The following VWC2L variants were observed in gnomAD, a reference collection of about 807,000 sequenced individuals.
The protein encoded by VWC2L is von Willebrand factor C domain containing 2 like.
VWC2L carries 10 observed loss-of-function variants against 21.6 expected under a neutral mutation model. The observed-to-expected ratio is 0.46, with a 90% CI of 0.29 to 0.78. VWC2L has a LOEUF of 0.78. VWC2L is among the 30% of genes least tolerant of loss of function. VWC2L has a pLI of 0.10. For synonymous variants in VWC2L, 96 were observed against 94.3 expected, an observed-to-expected ratio of 1.02 and a Z score of -0.10; for missense variants, 209 against 277.1, an observed-to-expected ratio of 0.75 and a Z score of 1.74.
rs112834111 is a variant in VWC2L, at chr2:214,517,991, C to T, written c.521-57681C>T. Among the ~76,000 whole-genome samples the T allele has an allele frequency of 8.4e-3, 1,286 of 152,212 alleles. 12 individuals carry two copies. Among genetic ancestry groups the T allele is most frequent in the Non-Finnish European group, 0.013 (895 of 68,014 alleles). ...ACCATCCTGGCTAACACAGTGAAAC[C>T]CCGTCTCTACTAAAAATACAAAAAA... On this transcript the variant is annotated intron_variant, in intron 3 of 3. Coordinates refer to ENST00000312504, the MANE Select transcript of VWC2L (RefSeq NM_001080500.4).
At chr2:214,456,396 T>C (rs1362345985) in intron 3 of VWC2L, among the ~76,000 whole-genome samples, 1 of 152,070 alleles carries the variant, frequency 6.6e-6, no homozygotes, top group Non-Finnish European at 1.5e-5. Flanking sequence ...GTTTGGTTTT[T>C]GTTTGGGTTT....
At chr2:214,468,575 A>G (rs1279128518) in intron 3 of VWC2L, among the ~76,000 whole-genome samples, 1 of 152,244 alleles carries the variant, frequency 6.6e-6, no homozygotes, top group Non-Finnish European at 1.5e-5. Flanking sequence ...AGAATTTAAA[A>G]GAGATTTTTC....
At chr2:214,447,710 C>A (rs897284353) in intron 3 of VWC2L, among the ~76,000 whole-genome samples, 2 of 152,150 alleles carry the variant, frequency 1.3e-5, no homozygotes, top group Admixed American at 6.5e-5. Context: ...GGTTATCCCT[C>A]TATCTTCCTC....
At chr2:214,480,482 C>A (rs573785455) in intron 3 of VWC2L, among the ~76,000 whole-genome samples, 32 of 152,060 alleles carry the variant, frequency 2.1e-4, no homozygotes, top group Admixed American at 1.2e-3. Context: ...GGTTCATCTG[C>A]GAATATTAGA....
At chr2:214,506,687 A>G (rs1426048842) in intron 3 of VWC2L, among the ~76,000 whole-genome samples, 1 of 67,912 alleles carries the variant, frequency 1.5e-5, no homozygotes, top group Non-Finnish European at 5.1e-5. Flanking sequence ...AGAAAATATT[A>G]TAATAAATTC....
At chr2:214,487,526 A>C (rs544282235) in intron 3 of VWC2L, among the ~76,000 whole-genome samples, 31 of 152,328 alleles carry the variant, frequency 2.0e-4, no homozygotes, top group African/African-American at 7.2e-4. Context: ...CCCTGAGAAG[A>C]GTGACACAAT....
chr2:214,548,523 G>A (rs1247283908), intron 3 of VWC2L, among the ~76,000 whole-genome samples: 1 of 152,164 alleles, frequency 6.6e-6, no homozygotes, highest in Non-Finnish European at 1.5e-5. Context: ...ACTCAACCAA[G>A]TCCAGTGGAT....
At chr2:214,438,583 A>C (rs1217262083) in intron 3 of VWC2L, among the ~76,000 whole-genome samples, 1 of 152,050 alleles carries the variant, frequency 6.6e-6, no homozygotes, top group Non-Finnish European at 1.5e-5. Context: ...ATACGTTTAA[A>C]ACAGTTTTTA....
At chr2:214,469,381 C>T (rs894144035) in intron 3 of VWC2L, among the ~76,000 whole-genome samples, 4 of 152,084 alleles carry the variant, frequency 2.6e-5, no homozygotes, top group South Asian at 2.1e-4. Flanking sequence ...GGGTGGATCA[C>T]GAGGCCAGGA....
intron 2 of VWC2L, among the ~76,000 whole-genome samples, chr2:214,431,661 T>C (rs1702602944): frequency 6.6e-6 from 1 of 152,332 alleles, no homozygotes; most frequent in South Asian, 2.1e-4. Context: ...CTCTATCCCA[T>C]CCTTTTGGGA....
rs144839776 is a variant in VWC2L, at chr2:214,527,169, C to T, written c.521-48503C>T. Among the ~76,000 whole-genome samples, 659 of 152,130 alleles carry T rather than the reference C, an allele frequency of 4.3e-3. 11 individuals are homozygous for T. Among genetic ancestry groups the T allele is most frequent in the African/African-American group, 0.015 (641 of 41,500 alleles). On this transcript the variant is annotated intron_variant, in intron 3 of 3. Transcript: ENST00000312504. ...GAACAGAAAACCAAATACTACATGT[C>T]CTCACTTATAAGTGGGAGTTAACAT... is the stretch of plus-strand genomic sequence containing the variant.
Position 214,452,442 on chromosome 2 carries a change from G to A in VWC2L, c.520+15684G>A, listed in dbSNP as rs144062086. Among the ~76,000 whole-genome samples the A allele has an allele frequency of 5.5e-4, 84 of 152,166 alleles. 1 individual carries two copies. Among genetic ancestry groups the A allele is most frequent in the African/African-American group, 1.7e-3 (71 of 41,494 alleles). On this transcript the variant is annotated intron_variant, in intron 3 of 3. Transcript: ENST00000312504. Reference sequence around the variant, plus strand: ...ATACATGCTGTGGCATGTATCAATGGTTCATTCCTTTTTAACTACTTGATC... The same window carrying A: ...ATACATGCTGTGGCATGTATCAATGATTCATTCCTTTTTAACTACTTGATC...
chr2:214,433,160 AT>A (rs1457178143), intron 2 of VWC2L, among the ~76,000 whole-genome samples: 1 of 29,368 alleles, frequency 3.4e-5, no homozygotes, highest in Non-Finnish European at 6.0e-5. Flanking sequence ...AAGCCACCTG[AT>A]ATATATATAT....
At chr2:214,503,046 T>C (rs1388849507) in intron 3 of VWC2L, among the ~76,000 whole-genome samples, 1 of 152,196 alleles carries the variant, frequency 6.6e-6, no homozygotes, top group Non-Finnish European at 1.5e-5. Context: ...TTTGCTAGTA[T>C]TGGGAAGGCA....
chr2:214,533,090 G>T (rs538325061), intron 3 of VWC2L, among the ~76,000 whole-genome samples: 5 of 152,068 alleles, frequency 3.3e-5, no homozygotes, highest in African/African-American at 1.2e-4. Flanking sequence ...ACAAAATTCT[G>T]CCTACATCAC....
intron 3 of VWC2L, among the ~76,000 whole-genome samples, chr2:214,541,632 G>T (rs1017297390): frequency 1.3e-5 from 2 of 152,110 alleles, no homozygotes; most frequent in Non-Finnish European, 1.5e-5. Context: ...TTCTCGCTCT[G>T]CCACACGTTA....
chr2:214,520,998 T>C (rs4672710), intron 3 of VWC2L, among the ~76,000 whole-genome samples: 39,333 of 151,192 alleles, frequency 0.26, 5,164 homozygotes, highest in Admixed American at 0.28. Context: ...CTGAGGCGGG[T>C]GGATCACGAG....
chr2:214,510,906 C>T (rs967862590), intron 3 of VWC2L, among the ~76,000 whole-genome samples: 2 of 152,194 alleles, frequency 1.3e-5, no homozygotes, highest in African/African-American at 4.8e-5. Flanking sequence ...GGGTACTTTA[C>T]AAATGTAATT....
chr2:214,447,598 A>G (rs1427393945), intron 3 of VWC2L, among the ~76,000 whole-genome samples: 1 of 152,150 alleles, frequency 6.6e-6, no homozygotes, highest in Non-Finnish European at 1.5e-5. Flanking sequence ...ACCTTTGTGC[A>G]GGCTGACAAA....
Sources: gnomAD v4.1 joint callset for allele counts (sites outside exome capture counted in the v4.1 genomes callset) on GRCh38, gnomAD v4.1.1 for gene constraint, MANE v1.5 for transcripts, NCBI Gene and HGNC (gene_info 2026-07-23, HGNC 2026-07-21) for gene names.